The following COL24A1 variants were observed in gnomAD, a reference collection of about 807,000 sequenced individuals.
COL24A1 encodes collagen alpha-1(XXIV) chain.
A neutral mutation model predicts 253.9 loss-of-function variants in COL24A1; 224 were observed. The observed-to-expected ratio is 0.88, with a 90% CI of 0.79 to 0.99. The LOEUF is 0.99. COL24A1 is among the 50% of genes least tolerant of loss of function. The probability of loss-of-function intolerance (pLI) is 0.00; values close to 1 mark genes in which losing one functional copy is unlikely to be tolerated. For missense variants in COL24A1, 2,131 were observed against 2,068.5 expected, an observed-to-expected ratio of 1.03 and a Z score of -0.59; for synonymous variants, 685 against 673.7, an observed-to-expected ratio of 1.02 and a Z score of -0.26.
chr1:85,795,792 G>A (rs1670746655), intron 47 of COL24A1, among the ~76,000 whole-genome samples: 1 of 151,884 alleles, frequency 6.6e-6, no homozygotes, highest in African/African-American at 2.4e-5. Flanking sequence ...TAGATTATTA[G>A]GCAATGTAAG....
chr1:85,924,774 C>T (rs1190544024), intron 24 of COL24A1, among the ~76,000 whole-genome samples: 1 of 152,136 alleles, frequency 6.6e-6, no homozygotes, highest in Non-Finnish European at 1.5e-5. Flanking sequence ...GACAGAGATG[C>T]CCTCTCTCAC....
At chr1:85,992,164 C>A (rs892365453) in intron 19 of COL24A1, among the ~76,000 whole-genome samples, 17 of 151,714 alleles carry the variant, frequency 1.1e-4, no homozygotes, top group African/African-American at 3.9e-4. Context: ...TGAGTGAGAA[C>A]ATGCGGTGTT....
At chr1:85,964,966 GA>G (rs776635814) in intron 23 of COL24A1, 42 bp downstream of exon 23, 25 of 1,522,310 alleles carry the variant, frequency 1.6e-5, no homozygotes, top group Non-Finnish European at 6.3e-6. Flanking sequence ...TTATCTTTCT[GA>G]AAATTATATT....
At chr1:85,934,803 T>C (rs1473743680) in intron 24 of COL24A1, among the ~76,000 whole-genome samples, 1 of 152,130 alleles carries the variant, frequency 6.6e-6, no homozygotes, top group Non-Finnish European at 1.5e-5. Context: ...ACAGAGACCA[T>C]ATGGCCCACA....
At chr1:86,130,836 T>C (rs938456918) in intron 2 of COL24A1, among the ~76,000 whole-genome samples, 4 of 152,134 alleles carry the variant, frequency 2.6e-5, no homozygotes, top group Non-Finnish European at 2.9e-5. Flanking sequence ...TTGTATGGCA[T>C]TTATATTTTT....
At chr1:85,958,096 C>T (rs1426682698) in intron 24 of COL24A1, among the ~76,000 whole-genome samples, 2 of 152,022 alleles carry the variant, frequency 1.3e-5, no homozygotes, top group Non-Finnish European at 2.9e-5. Context: ...CACTTTTAAT[C>T]CTCATAAGAA....
Position 85,842,337 on chromosome 1 carries a change from T to A in COL24A1, c.3516+3A>T. The stretch of plus-strand genomic sequence containing the variant: ...ATATATTTTTTCAATTATAAATACT[T>A]ACCCTGTACCCTGGAATTCCTGGTT... On this transcript the variant is annotated splice_donor_region_variant and intron_variant, in intron 40 of 59. Transcript: ENST00000370571. 1 of 1,581,192 alleles carries A rather than the reference T, an allele frequency of 6.3e-7. No homozygotes were observed. Among genetic ancestry groups the A allele is most frequent in the Non-Finnish European group, 8.6e-7 (1 of 1,162,124 alleles).
chr1:85,934,427 T>C (rs2103117960), intron 24 of COL24A1, among the ~76,000 whole-genome samples: 1 of 152,340 alleles, frequency 6.6e-6, no homozygotes, highest in African/African-American at 2.4e-5. Flanking sequence ...CTTTAGTTTC[T>C]TGCATGTATT....
chr1:86,059,020 T>A, intron 9 of COL24A1, 101 bp downstream of exon 9: 4 of 700,980 alleles, frequency 5.7e-6, no homozygotes, highest in Non-Finnish European at 9.0e-6. Flanking sequence ...TTATTCATTA[T>A]TTAATAAAAA....
At chr1:86,044,517 A>G (rs897193897) in intron 12 of COL24A1, among the ~76,000 whole-genome samples, 2 of 152,212 alleles carry the variant, frequency 1.3e-5, no homozygotes, top group Non-Finnish European at 2.9e-5. Context: ...TTTCAAATAC[A>G]ATTTTTCTAA....
chr1:85,905,164 A>G (rs1049479522), intron 28 of COL24A1, among the ~76,000 whole-genome samples: 3 of 152,154 alleles, frequency 2.0e-5, no homozygotes, highest in Non-Finnish European at 4.4e-5. Context: ...TATTTTCCAC[A>G]AAGAGATTAC....
chr1:85,996,985 A>T (rs1483208262), intron 19 of COL24A1, among the ~76,000 whole-genome samples: 3 of 148,130 alleles, frequency 2.0e-5, no homozygotes, highest in Non-Finnish European at 4.5e-5. Flanking sequence ...CTCTTTCTTC[A>T]AATGGGATAT....
chr1:85,809,689 C>T (rs775143464), intron 47 of COL24A1, among the ~76,000 whole-genome samples: 7 of 151,378 alleles, frequency 4.6e-5, no homozygotes, highest in Non-Finnish European at 7.4e-5. Flanking sequence ...GGGTGTTCTG[C>T]TCCAATCCAT....
chr1:85,779,105 A>C (rs1025259491), intron 52 of COL24A1, among the ~76,000 whole-genome samples: 2 of 152,030 alleles, frequency 1.3e-5, no homozygotes, highest in African/African-American at 4.8e-5. Context: ...TCCTGGGCTC[A>C]AGCAATCCTC....
At chr1:86,054,635 A>G (rs907827060) in intron 10 of COL24A1, among the ~76,000 whole-genome samples, 13 of 152,058 alleles carry the variant, frequency 8.5e-5, no homozygotes, top group Non-Finnish European at 1.5e-4. Context: ...AAAAAGTCAG[A>G]AAATAACAGA....
At chr1:85,884,008 A>T (rs1682182739) in intron 32 of COL24A1, among the ~76,000 whole-genome samples, 1 of 152,234 alleles carries the variant, frequency 6.6e-6, no homozygotes, top group South Asian at 2.1e-4. Context: ...TTCCTTCGCC[A>T]ACACTCCTTT....
chr1:85,891,992 A>G (rs949551631), intron 31 of COL24A1, among the ~76,000 whole-genome samples: 5 of 152,174 alleles, frequency 3.3e-5, no homozygotes, highest in African/African-American at 1.2e-4. Context: ...CCATGAGGAT[A>G]ATAATGACTA....
intron 55 of COL24A1, among the ~76,000 whole-genome samples, chr1:85,746,082 G>A (rs1297791191): frequency 6.6e-6 from 1 of 151,806 alleles, no homozygotes. Flanking sequence ...AAAAGACTGA[G>A]CACAACCATT....
In COL24A1 at chr1:86,077,963, C is replaced by T. The variant is rs1412918789; in HGVS notation, c.1707+11211G>A. Among the ~76,000 whole-genome samples the T allele has an allele frequency of 2.0e-5, 3 of 152,102 alleles. No homozygotes were observed. In the East Asian group the frequency reaches 5.8e-4, roughly 29 times the overall value. On this transcript the variant is annotated intron_variant, in intron 7 of 59. Transcript: ENST00000370571. Reference sequence around the variant, plus strand: ...AAACCTGCACATTCTGCACATGTATCACAGAACTTAAAGTATAATTTTAAA... The same window carrying T: ...AAACCTGCACATTCTGCACATGTATTACAGAACTTAAAGTATAATTTTAAA...
Sources: allele counts gnomAD v4.1 joint callset (sites outside exome capture counted in the v4.1 genomes callset), GRCh38; gene constraint gnomAD v4.1.1; transcripts MANE v1.5; gene names NCBI Gene and HGNC (gene_info 2026-07-23, HGNC 2026-07-21).